ULK4: variants seen among roughly 807,000 people sequenced by gnomAD.
ULK4 encodes unc-51 like kinase 4, also known as inactive serine/threonine-protein kinase ULK4.
ULK4 carries 133 observed loss-of-function variants against 160.6 expected under a neutral mutation model. The observed-to-expected ratio is 0.83, with a 90% CI of 0.72 to 0.96. ULK4 has a LOEUF of 0.96. ULK4 is among the 40% of genes least tolerant of loss of function. ULK4 has a pLI of 0.00. For synonymous variants in ULK4, 534 were observed against 539.8 expected (o/e 0.99, Z 0.15); for missense variants, 1,580 against 1,499.5 (o/e 1.05, Z -0.89).
chr3:41,638,872 T>C (rs898911109), intron 30 of ULK4, among the ~76,000 whole-genome samples: 12 of 152,270 alleles, frequency 7.9e-5, no homozygotes, highest in Non-Finnish European at 1.8e-4. Flanking sequence ...CAGTGGCAGG[T>C]GTATGCAATA....
At chr3:41,415,896 G>T (rs1036582693) in intron 34 of ULK4, among the ~76,000 whole-genome samples, 5 of 152,228 alleles carry the variant, frequency 3.3e-5, no homozygotes, top group Admixed American at 3.3e-4. Flanking sequence ...GACCCCAATG[G>T]CAAGTGATCC....
intron 35 of ULK4, among the ~76,000 whole-genome samples, chr3:41,386,839 CTTTCTCT>C (rs1186037222): frequency 1.3e-5 from 2 of 152,122 alleles, no homozygotes; most frequent in Non-Finnish European, 2.9e-5. Context: ...CTTAAGAAAG[CTTTCTCT>C]GTCACATCCT....
chr3:41,730,722 C>A (rs73069383), intron 22 of ULK4, among the ~76,000 whole-genome samples: 6,378 of 152,200 alleles, frequency 0.042, 176 homozygotes, highest in Middle Eastern at 0.099. Flanking sequence ...TCAAAGTACT[C>A]CAAAAAATTG....
intron 34 of ULK4, among the ~76,000 whole-genome samples, chr3:41,418,342 C>CGG (rs56844228): frequency 0.013 from 1,118 of 87,784 alleles, 28 homozygotes; most frequent in East Asian, 0.084. Flanking sequence ...CTTAATTTGG[C>CGG]GGGGGGGGGG....
At chr3:41,623,135 A>G (rs191200708) in intron 30 of ULK4, among the ~76,000 whole-genome samples, 2 of 152,220 alleles carry the variant, frequency 1.3e-5, no homozygotes, top group African/African-American at 2.4e-5. Flanking sequence ...AACATGTTAC[A>G]TATGTTGTAG....
intron 23 of ULK4, 43 bp downstream of exon 23, chr3:41,717,685 C>T (rs368870867): frequency 1.5e-5 from 24 of 1,568,652 alleles, no homozygotes; most frequent in African/African-American, 1.2e-4. Flanking sequence ...GTCTTAGAAA[C>T]GTAAAAGCAG....
chr3:41,475,466 C>T (rs892711584), intron 32 of ULK4, among the ~76,000 whole-genome samples: 6 of 151,964 alleles, frequency 3.9e-5, no homozygotes, highest in African/African-American at 1.4e-4. Context: ...TTCAAAATCA[C>T]TAAGAGTATA....
chr3:41,947,279 C>G (rs1700140843), intron 2 of ULK4, among the ~76,000 whole-genome samples: 1 of 152,278 alleles, frequency 6.6e-6, no homozygotes, highest in South Asian at 2.1e-4. Context: ...CCACTGCACT[C>G]CAGCCCGGGC....
At chr3:41,955,691 C>A (rs1700459730) in intron 1 of ULK4, 1 of 152,530 alleles carries the variant, frequency 6.6e-6, no homozygotes. Context: ...GACACGTCCG[C>A]ACCAAGATGA....
intron 2 of ULK4, among the ~76,000 whole-genome samples, chr3:41,947,744 A>G (rs926208664): frequency 6.6e-6 from 1 of 152,224 alleles, no homozygotes; most frequent in Non-Finnish European, 1.5e-5. Flanking sequence ...ACCCCTAAAA[A>G]GCAGGGACTT....
intron 8 of ULK4, chr3:41,915,589 A>G (rs1698938583): frequency 5.9e-6 from 1 of 170,904 alleles, no homozygotes; most frequent in African/African-American, 2.4e-5. Context: ...ACACTCAGTT[A>G]ACAGCATCTT....
At chr3:41,951,123 G>A (rs1456811355) in intron 2 of ULK4, among the ~76,000 whole-genome samples, 2 of 128,046 alleles carry the variant, frequency 1.6e-5, no homozygotes, top group African/African-American at 3.0e-5. Context: ...CCAGCCTGGA[G>A]GACAGAGCGA....
chr3:41,310,291 T>C (rs2125719322), intron 35 of ULK4, among the ~76,000 whole-genome samples: 1 of 152,344 alleles, frequency 6.6e-6, no homozygotes, highest in South Asian at 2.1e-4. Flanking sequence ...GGGCCACTCT[T>C]TGTGCCACAT....
intron 20 of ULK4, among the ~76,000 whole-genome samples, chr3:41,791,845 C>T (rs1318170067): frequency 6.6e-6 from 1 of 152,160 alleles, no homozygotes; most frequent in African/African-American, 2.4e-5. Context: ...AAACAAGTCC[C>T]TTTCCTTGTG....
At chr3:41,331,275 T>C (rs1042524099) in intron 35 of ULK4, among the ~76,000 whole-genome samples, 32 of 152,130 alleles carry the variant, frequency 2.1e-4, no homozygotes, top group African/African-American at 7.0e-4. Flanking sequence ...GTGATGCATG[T>C]AAGAGACATT....
chr3:41,770,697 G>C (rs2039325941), intron 21 of ULK4, among the ~76,000 whole-genome samples: 1 of 151,966 alleles, frequency 6.6e-6, no homozygotes, highest in African/African-American at 2.4e-5. Flanking sequence ...ATTTTTAGTA[G>C]AGACAGGGTC....
intron 22 of ULK4, among the ~76,000 whole-genome samples, chr3:41,719,669 A>G (rs756722932): frequency 2.6e-5 from 4 of 152,144 alleles, no homozygotes; most frequent in South Asian, 2.1e-4. Flanking sequence ...AAGCTACCAT[A>G]TTTCCTTCTC....
At chr3:41,448,279 C>A (rs1388559374) in intron 34 of ULK4, among the ~76,000 whole-genome samples, 1 of 151,968 alleles carries the variant, frequency 6.6e-6, no homozygotes, top group African/African-American at 2.4e-5. Context: ...AACCAGTTTT[C>A]GTGGGTGTAA....
chr3:41,572,974 C>T (rs969423736), intron 31 of ULK4, among the ~76,000 whole-genome samples: 25 of 152,082 alleles, frequency 1.6e-4, no homozygotes, highest in African/African-American at 5.6e-4. Context: ...TGAGAGCCCA[C>T]AAAAGGCAAT....
Sources: gnomAD v4.1 joint callset for allele counts (sites outside exome capture counted in the v4.1 genomes callset) on GRCh38, gnomAD v4.1.1 for gene constraint, MANE v1.5 for transcripts, NCBI Gene and HGNC (gene_info 2026-07-23, HGNC 2026-07-21) for gene names.